Variants in TUSC3 observed in about 807,000 individuals in gnomAD.
The protein encoded by TUSC3 is tumor suppressor candidate 3, also known as dolichyl-diphosphooligosaccharide--protein glycosyltransferase subunit TUSC3.
TUSC3 carries 45 observed loss-of-function variants against 44.8 expected under a neutral mutation model. That is an observed-to-expected ratio of 1.00 (90% CI 0.79 to 1.29). TUSC3 has a LOEUF of 1.29. TUSC3 is among the 50% of genes most tolerant of loss of function. TUSC3 has a pLI of 0.00. For synonymous variants in TUSC3, 212 were observed against 152.9 expected (o/e 1.39, Z -2.85); for missense variants, 519 against 437.9 (o/e 1.19, Z -1.65).
chr8:15,508,571 C>G (rs1801090400), intron 2 of TUSC3, among the ~76,000 whole-genome samples: 1 of 140,474 alleles, frequency 7.1e-6, no homozygotes, highest in Non-Finnish European at 1.5e-5. Flanking sequence ...GTGCCATTCT[C>G]CTGCCTCAGC....
At chr8:15,546,405 A>G (rs1801865091) in intron 1 of TUSC3, among the ~76,000 whole-genome samples, 1 of 151,866 alleles carries the variant, frequency 6.6e-6, no homozygotes, top group South Asian at 2.1e-4. Flanking sequence ...CTGGCTTCAC[A>G]TAATTTCTTG....
chr8:15,580,847 T>G (rs1345632975), intron 1 of TUSC3, among the ~76,000 whole-genome samples: 40 of 144,384 alleles, frequency 2.8e-4, no homozygotes, highest in East Asian at 1.8e-3. Flanking sequence ...TGTATTTCCT[T>G]AATCTGAACG....
At chr8:15,690,180 T>C (rs1172476620) in intron 6 of TUSC3, among the ~76,000 whole-genome samples, 1 of 152,176 alleles carries the variant, frequency 6.6e-6, no homozygotes, top group Non-Finnish European at 1.5e-5. Context: ...CAAAATCTAT[T>C]ATTTTATGTC....
chr8:15,512,954 ATATAT>A (rs1257094464), intron 2 of TUSC3, among the ~76,000 whole-genome samples: 2 of 110,314 alleles, frequency 1.8e-5, no homozygotes, highest in African/African-American at 6.1e-5. Context: ...ATATATATAT[ATATAT>A]GATTCTTTTT....
intron 6 of TUSC3, among the ~76,000 whole-genome samples, chr8:15,706,845 A>G (rs1248996826): frequency 6.6e-6 from 1 of 151,982 alleles, no homozygotes; most frequent in East Asian, 1.9e-4. Flanking sequence ...TCAGCTATCA[A>G]CTTTATTCTT....
chr8:15,811,679 C>G, the TUSC3 span, among the ~76,000 whole-genome samples: 3 of 152,096 alleles, frequency 2.0e-5, no homozygotes, highest in Non-Finnish European at 1.5e-5. Context: ...TTGGAAAAGG[C>G]AAATGAGGAG....
chr8:15,528,117 C>T (rs1426363157), intron 2 of TUSC3, among the ~76,000 whole-genome samples: 1 of 151,882 alleles, frequency 6.6e-6, no homozygotes, highest in Non-Finnish European at 1.5e-5. Context: ...ACCAATAAAA[C>T]ATAATGATTA....
rs193288944 is a variant in TUSC3 at position 15,472,866 on chromosome 8, G to A, written n.92-10520G>A. Among the ~76,000 whole-genome samples, 793 of 152,250 alleles carry A rather than the reference G, an allele frequency of 5.2e-3. 4 individuals carry two copies. Among genetic ancestry groups the A allele is most frequent in the Non-Finnish European group, 7.1e-3 (481 of 67,996 alleles). ...AAAGAGAATGACTATGTTTATGGTG[G>A]AATATACTGACTGATCATCTCCACA... On this transcript the variant is annotated intron_variant and non_coding_transcript_variant, in intron 1 of 5. Coordinates refer to the TUSC3 transcript ENST00000503191.
the TUSC3 span, among the ~76,000 whole-genome samples, chr8:15,834,766 C>A: frequency 2.0e-5 from 3 of 152,112 alleles, no homozygotes; most frequent in African/African-American, 4.8e-5. Context: ...TGATTAAGGT[C>A]ATTTCCTTTT....
At chr8:15,448,062 G>A (rs1800130723) in intron 1 of TUSC3, among the ~76,000 whole-genome samples, 4 of 130,418 alleles carry the variant, frequency 3.1e-5, no homozygotes, top group Non-Finnish European at 3.3e-5. Context: ...CAGATATAAA[G>A]CATTCCTGTC....
intron 1 of TUSC3, among the ~76,000 whole-genome samples, chr8:15,574,519 A>T (rs1803014939): frequency 6.6e-6 from 1 of 151,986 alleles, no homozygotes; most frequent in African/African-American, 2.4e-5. Context: ...TTCTATTTTT[A>T]ATCGTTAGGT....
chr8:15,598,754 G>A (rs1204469004), intron 1 of TUSC3, among the ~76,000 whole-genome samples: 1 of 151,504 alleles, frequency 6.6e-6, no homozygotes, highest in Non-Finnish European at 1.5e-5. Context: ...TTTTCTCTAT[G>A]TTTTTTCATG....
the TUSC3 span, among the ~76,000 whole-genome samples, chr8:15,774,269 C>T: frequency 5.9e-5 from 9 of 152,144 alleles, no homozygotes; most frequent in African/African-American, 2.2e-4. Context: ...AGTCCTGATC[C>T]GAGTACTTCA....
intron 1 of TUSC3, among the ~76,000 whole-genome samples, chr8:15,545,491 C>G (rs1381983428): frequency 6.6e-6 from 1 of 151,746 alleles, no homozygotes; most frequent in Non-Finnish European, 1.5e-5. Context: ...TCTTCTTTGA[C>G]TATGTGCTAT....
chr8:15,679,673 C>T (rs931235393), intron 6 of TUSC3, among the ~76,000 whole-genome samples: 7 of 152,064 alleles, frequency 4.6e-5, no homozygotes, highest in African/African-American at 9.7e-5. Flanking sequence ...TTGCCTATGC[C>T]AGTGTCCAAA....
chr8:15,711,766 A>G (rs1402394188), intron 6 of TUSC3, among the ~76,000 whole-genome samples: 2 of 151,890 alleles, frequency 1.3e-5, no homozygotes, highest in African/African-American at 4.8e-5. Flanking sequence ...ATAATTGCAA[A>G]TATATTTTAC....
intron 3 of TUSC3, among the ~76,000 whole-genome samples, chr8:15,653,611 C>G (rs936198316): frequency 6.6e-6 from 1 of 151,630 alleles, no homozygotes; most frequent in Non-Finnish European, 1.5e-5. Flanking sequence ...CCTTGTCTTT[C>G]CCAAAATCTA....
At chr8:15,427,823 G>C (rs1563248297) in intron 1 of TUSC3, among the ~76,000 whole-genome samples, 1 of 152,064 alleles carries the variant, frequency 6.6e-6, no homozygotes, top group Non-Finnish European at 1.5e-5. Context: ...AAAAATCTTT[G>C]ACAACACCAA....
chr8:15,771,480 A>G (rs1215126352), downstream of TUSC3, among the ~76,000 whole-genome samples: 1 of 149,612 alleles, frequency 6.7e-6, no homozygotes, highest in African/African-American at 2.5e-5. Flanking sequence ...AAATAACTGC[A>G]TAGATTAAAT....
Sources: allele counts gnomAD v4.1 joint callset (sites outside exome capture counted in the v4.1 genomes callset), GRCh38; gene constraint gnomAD v4.1.1; transcripts MANE v1.5; gene names NCBI Gene and HGNC (gene_info 2026-07-23, HGNC 2026-07-21).